RIC1: variants seen among roughly 807,000 people sequenced by gnomAD.
The protein encoded by RIC1 is guanine nucleotide exchange factor subunit RIC1.
A neutral mutation model predicts 169.0 loss-of-function variants in RIC1; 88 were observed. That is an observed-to-expected ratio of 0.52 (90% CI 0.44 to 0.62). The LOEUF (loss-of-function observed/expected upper bound fraction) is 0.62. Ranked by LOEUF, RIC1 falls within the 20% of genes least tolerant of loss-of-function variation. The pLI, the probability that RIC1 is intolerant of heterozygous loss-of-function variation, is 0.00. For synonymous variants in RIC1, 790 were observed against 601.5 expected (o/e 1.31, Z -4.59); for missense variants, 1,877 against 1,725.5 (o/e 1.09, Z -1.56).
intron 1 of RIC1, among the ~76,000 whole-genome samples, chr9:5,637,848 A>T (rs1818049435): frequency 6.6e-6 from 1 of 152,102 alleles, no homozygotes; most frequent in African/African-American, 2.4e-5. Flanking sequence ...TGTTTTCTTT[A>T]TCCATCCATC....
chr9:5,702,951 C>T (rs1422095830), intron 3 of RIC1, among the ~76,000 whole-genome samples: 1 of 152,146 alleles, frequency 6.6e-6, no homozygotes, highest in Non-Finnish European at 1.5e-5. Flanking sequence ...CCACCAGGCC[C>T]CACCTCCAAC....
At chr9:5,777,210 T>C (rs1040725935), downstream of RIC1, among the ~76,000 whole-genome samples, 2 of 152,140 alleles carry the variant, frequency 1.3e-5, no homozygotes, top group Non-Finnish European at 2.9e-5. Flanking sequence ...GCTGGAGTTC[T>C]TTATATATTC....
intron 2 of RIC1, among the ~76,000 whole-genome samples, chr9:5,678,379 G>A (rs989215457): frequency 1.3e-5 from 2 of 151,842 alleles, no homozygotes; most frequent in African/African-American, 4.8e-5. Flanking sequence ...GGGATGGCTG[G>A]GTCAAATGGT....
intron 21 of RIC1, among the ~76,000 whole-genome samples, chr9:5,766,487 T>C (rs35667563): frequency 0.019 from 2,864 of 151,818 alleles, 28 homozygotes; most frequent in Non-Finnish European, 0.023. Context: ...TTGTCTTTTA[T>C]CCCTCACCCC....
chr9:5,706,052 T>G (rs956985637), intron 3 of RIC1, among the ~76,000 whole-genome samples: 1 of 152,152 alleles, frequency 6.6e-6, no homozygotes, highest in Admixed American at 6.5e-5. Context: ...TTTGCTAATA[T>G]TTTGTTCAGG....
intron 1 of RIC1, among the ~76,000 whole-genome samples, chr9:5,651,558 C>CT (rs58654916): frequency 0.028 from 2,990 of 107,830 alleles, 129 homozygotes; most frequent in African/African-American, 0.067. Flanking sequence ...AGTCTTTAAT[C>CT]TTTTTTTTTT....
Position 5,743,266 on chromosome 9 carries a change from G to C in RIC1, c.1046+253G>C, listed in dbSNP as rs141506220. Among the ~76,000 whole-genome samples the C allele has an allele frequency of 1.4e-3, 207 of 152,210 alleles. 1 individual carries two copies. Among genetic ancestry groups the C allele is most frequent in the African/African-American group, 4.9e-3 (202 of 41,540 alleles). Reference sequence around the variant, plus strand: ...TATATGACAGCATGTTAGACACAAAGCAGAATCAGGCATGGTTCTGCTTTT... The same window carrying C: ...TATATGACAGCATGTTAGACACAAACCAGAATCAGGCATGGTTCTGCTTTT... On this transcript the variant is annotated intron_variant, in intron 9 of 25. Coordinates refer to ENST00000414202, the MANE Select transcript of RIC1 (RefSeq NM_020829.4).
intron 6 of RIC1, among the ~76,000 whole-genome samples, chr9:5,724,994 T>C (rs552610616): frequency 1.3e-5 from 2 of 152,370 alleles, no homozygotes; most frequent in African/African-American, 4.8e-5. Context: ...TCATTGTTCA[T>C]AAGGGATATT....
intron 6 of RIC1, among the ~76,000 whole-genome samples, chr9:5,723,735 A>G (rs777146959): frequency 1.3e-5 from 2 of 152,148 alleles, no homozygotes; most frequent in Admixed American, 6.5e-5. Flanking sequence ...TAATTTTTGT[A>G]TAAGGTGTAA....
chr9:5,671,755 A>T (rs943540985), intron 2 of RIC1, among the ~76,000 whole-genome samples: 1 of 152,218 alleles, frequency 6.6e-6, no homozygotes, highest in South Asian at 2.1e-4. Flanking sequence ...GAGTATAAAC[A>T]TGAGCCTAAA....
At chr9:5,691,825 A>G (rs1821606636) in intron 3 of RIC1, among the ~76,000 whole-genome samples, 2 of 152,036 alleles carry the variant, frequency 1.3e-5, no homozygotes, top group South Asian at 4.1e-4. Context: ...GGCATGGTAG[A>G]GAAATAACTT....
chr9:5,719,807 C>T (rs568655908), intron 4 of RIC1, among the ~76,000 whole-genome samples: 7 of 152,284 alleles, frequency 4.6e-5, no homozygotes, highest in Middle Eastern at 3.4e-3. Context: ...ATTGTTACCT[C>T]TACACTTAAT....
chr9:5,650,762 A>G (rs1222414322), intron 1 of RIC1, among the ~76,000 whole-genome samples: 3 of 152,012 alleles, frequency 2.0e-5, no homozygotes, highest in Non-Finnish European at 4.4e-5. Context: ...TGTCCTTGTG[A>G]TAGCCTCCCC....
intron 1 of RIC1, among the ~76,000 whole-genome samples, chr9:5,648,414 T>C (rs989504802): frequency 4.6e-5 from 7 of 152,198 alleles, no homozygotes; most frequent in Non-Finnish European, 8.8e-5. Flanking sequence ...TCAATTGAAA[T>C]GATTATCTGT....
intron 14 of RIC1, 124 bp downstream of exon 14, chr9:5,753,770 TA>T: frequency 2.1e-6 from 1 of 474,644 alleles, no homozygotes; most frequent in African/African-American, 2.0e-5. Context: ...AAATCAGATA[TA>T]AAAAAGTGAT....
intron 2 of RIC1, among the ~76,000 whole-genome samples, chr9:5,682,073 C>T (rs1197783773): frequency 2.6e-5 from 4 of 152,166 alleles, no homozygotes; most frequent in African/African-American, 9.7e-5. Flanking sequence ...AGATGAGTTT[C>T]CTGAATACAG....
At chr9:5,688,481 C>G (rs1002016158) in intron 2 of RIC1, among the ~76,000 whole-genome samples, 3 of 151,900 alleles carry the variant, frequency 2.0e-5, no homozygotes, top group African/African-American at 7.3e-5. Flanking sequence ...TGTGTGAAAC[C>G]TTTGTTATGA....
chr9:5,706,100 C>T (rs937537448), intron 3 of RIC1, among the ~76,000 whole-genome samples: 4 of 152,082 alleles, frequency 2.6e-5, no homozygotes, highest in African/African-American at 9.7e-5. Context: ...TATATTGAGC[C>T]ATGGTTTCCT....
At chr9:5,691,405 T>C (rs2130718741) in intron 3 of RIC1, among the ~76,000 whole-genome samples, 1 of 152,140 alleles carries the variant, frequency 6.6e-6, no homozygotes, top group African/African-American at 2.4e-5. Flanking sequence ...TATAGCCACT[T>C]GTTTTTGTAA....
Sources: allele counts gnomAD v4.1 joint callset (sites outside exome capture counted in the v4.1 genomes callset), GRCh38; gene constraint gnomAD v4.1.1; transcripts MANE v1.5; gene names NCBI Gene and HGNC (gene_info 2026-07-23, HGNC 2026-07-21).